GPR39: variants seen among roughly 807,000 people sequenced by gnomAD.
The protein encoded by GPR39 is G protein-coupled receptor 39, also known as zinc sensing receptor.
In GPR39, 23 loss-of-function variants were observed where a neutral mutation model predicts 18.4. The observed-to-expected ratio is 1.25, with a 90% CI of 0.90 to 1.77. The LOEUF (loss-of-function observed/expected upper bound fraction) is 1.77, where lower values mean the gene tolerates loss of function less well. Ranked by LOEUF, GPR39 falls within the 40% of genes most tolerant of loss-of-function variation. The pLI is 0.00. For missense variants in GPR39, 647 were observed against 602.4 expected, an observed-to-expected ratio of 1.07 and a Z score of -0.78; for synonymous variants, 280 against 257.9, an observed-to-expected ratio of 1.09 and a Z score of -0.82.
chr2:132,596,718 C>T (rs1371724658), intron 1 of GPR39, among the ~76,000 whole-genome samples: 1 of 152,164 alleles, frequency 6.6e-6, no homozygotes, highest in Non-Finnish European at 1.5e-5. Flanking sequence ...TGCTTCTTAG[C>T]CTTGGCTTGG....
At chr2:132,435,099 A>C (rs756134975) in intron 1 of GPR39, among the ~76,000 whole-genome samples, 5 of 152,172 alleles carry the variant, frequency 3.3e-5, no homozygotes, top group Non-Finnish European at 7.3e-5. Context: ...AGACACAGAC[A>C]CTGAAAGTAA....
chr2:132,467,628 C>T (rs1455083651), intron 1 of GPR39, among the ~76,000 whole-genome samples: 2 of 152,268 alleles, frequency 1.3e-5, no homozygotes, highest in East Asian at 3.9e-4. Flanking sequence ...AAAAATGCTG[C>T]AGACACAATC....
At chr2:132,491,137 T>C (rs1005937878) in intron 1 of GPR39, among the ~76,000 whole-genome samples, 1 of 152,166 alleles carries the variant, frequency 6.6e-6, no homozygotes, top group Non-Finnish European at 1.5e-5. Context: ...GTAAGCCAGT[T>C]TGAACCAGAA....
chr2:132,447,558 A>G (rs1680558778), intron 1 of GPR39, among the ~76,000 whole-genome samples: 1 of 152,200 alleles, frequency 6.6e-6, no homozygotes, highest in South Asian at 2.1e-4. Context: ...TATAACTATT[A>G]TAACAATTAA....
At chr2:132,607,754 G>T (rs187178777) in intron 1 of GPR39, among the ~76,000 whole-genome samples, 26 of 152,252 alleles carry the variant, frequency 1.7e-4, no homozygotes, top group African/African-American at 5.8e-4. Context: ...CAATAAAATG[G>T]CTGTAAGCTG....
chr2:132,423,948 C>T (rs913992091), intron 1 of GPR39, among the ~76,000 whole-genome samples: 1 of 152,172 alleles, frequency 6.6e-6, no homozygotes, highest in Non-Finnish European at 1.5e-5. Context: ...TTCCCTTGGG[C>T]ATGCATTCGT....
At chr2:132,625,870 G>A (rs1259350984) in intron 1 of GPR39, among the ~76,000 whole-genome samples, 8 of 152,148 alleles carry the variant, frequency 5.3e-5, no homozygotes, top group Admixed American at 3.9e-4. Flanking sequence ...GGGAGGCCAA[G>A]GCGGGTGGAT....
intron 1 of GPR39, among the ~76,000 whole-genome samples, chr2:132,565,396 CTTTT>C (rs67095358): frequency 5.1e-5 from 7 of 138,018 alleles, no homozygotes; most frequent in African/African-American, 1.9e-4. Context: ...GATGAGTTTC[CTTTT>C]TTTTTTTTTT....
chr2:132,454,824 A>T (rs1680690562), intron 1 of GPR39, among the ~76,000 whole-genome samples: 1 of 152,170 alleles, frequency 6.6e-6, no homozygotes, highest in African/African-American at 2.4e-5. Context: ...CATCCCAGGG[A>T]TGAAGCCGAC....
At chr2:132,462,135 C>T (rs1484851454) in intron 1 of GPR39, among the ~76,000 whole-genome samples, 1 of 152,106 alleles carries the variant, frequency 6.6e-6, no homozygotes, top group African/African-American at 2.4e-5. Flanking sequence ...TATATAATAC[C>T]CAACACTGGA....
Position 132,645,553 on chromosome 2 carries a change from G to T in GPR39, c.1309G>T (p.Ala437Ser), listed in dbSNP as rs150135352. Reference protein sequence around the residue: ...SLESLEPNSGAKPANSAAENG... With the variant: ...SLESLEPNSGSKPANSAAENG... ...CGAGTCACTAGAGCCCAACTCAGGC[G>T]CGAAACCAGCCAATTCTGCTGCAGA... Residue 437 changes from alanine to serine, a missense_variant, in exon 2 of 2, where the codon GCG becomes TCG. Physicochemically the swap from Ala to Ser is moderately conservative, Grantham distance 99. This residue lies in a region of GPR39 where 581 missense variants were observed against 506.8 expected (regional missense o/e 1.15). Coordinates refer to ENST00000329321, the MANE Select transcript of GPR39 (RefSeq NM_001508.3). 665 of 1,613,958 alleles carry T rather than the reference G, an allele frequency of 4.1e-4. No homozygotes were observed. The highest frequency in any genetic ancestry group is 5.4e-4 in the Non-Finnish European group (636 of 1,180,010).
rs559055144 is a variant in GPR39 at position 132,417,086 on chromosome 2, T to C, written c.44T>C (p.Ile15Thr). The change falls in exon 1 of 2, where the codon ATT (isoleucine) becomes ACT (threonine). Residue 15 changes from isoleucine to threonine, a missense_variant. Around this residue, in one of 3 missense-constraint regions of GPR39, gnomAD observed 61 missense variants for 79.2 expected, o/e 0.77. Coordinates refer to ENST00000329321, the MANE Select transcript of GPR39 (RefSeq NM_001508.3). ...SLPGSDCSQI[I>T]DHSHVPEFEV... is the part of the protein sequence containing the mutation. ...CCGGGCAGTGACTGCTCCCAAATCA[T>C]TGATCACAGTCATGTCCCCGAGTTT... 5.1e-5 allele frequency: 82 copies of C among 1,614,146 alleles called. No individual in the cohort carries two copies. The highest frequency in any genetic ancestry group is 6.4e-5 in the Non-Finnish European group (75 of 1,180,026).
chr2:132,534,737 G>T (rs1168050108), intron 1 of GPR39, among the ~76,000 whole-genome samples: 1 of 151,864 alleles, frequency 6.6e-6, no homozygotes, highest in Non-Finnish European at 1.5e-5. Context: ...ACTATCGCAA[G>T]GACAAAAAAC....
chr2:132,600,235 G>A (rs72985808), intron 1 of GPR39, among the ~76,000 whole-genome samples: 1,965 of 152,080 alleles, frequency 0.013, 47 homozygotes, highest in African/African-American at 0.042. Context: ...AAAACCTATG[G>A]GATACTGCAA....
rs3066458 is a variant in GPR39 at position 132,590,818 on chromosome 2, CGTGTGTGTGTGT to C, written c.857-54260_857-54249del. 3.5e-3 allele frequency among the ~76,000 whole-genome samples: 497 copies of C among 144,006 alleles called. 6 individuals are homozygous for C. The highest frequency in any genetic ancestry group is 9.2e-3 in the Admixed American group (133 of 14,468). 94.5% of individuals were successfully genotyped at this position (144,006 alleles called of 152,430 possible). A position where few individuals can be genotyped will look rare whatever the true frequency, so the allele number is the denominator to read the frequency against. On this transcript the variant is annotated intron_variant, in intron 1 of 1. Transcript: ENST00000329321. ...GGATTGAAGGATGCAAAGTATTGTT[CGTGTGTGTGTGT>C]GTGTGTGTGTGTGTGTGTGTGTCTT...
At chr2:132,485,234 A>G (rs1337872644) in intron 1 of GPR39, among the ~76,000 whole-genome samples, 4 of 152,250 alleles carry the variant, frequency 2.6e-5, no homozygotes, top group African/African-American at 9.6e-5. Flanking sequence ...CCTTAATTTT[A>G]AAAAGCTTCA....
At chr2:132,505,744 T>C (rs1054177382) in intron 1 of GPR39, among the ~76,000 whole-genome samples, 2 of 152,250 alleles carry the variant, frequency 1.3e-5, no homozygotes, top group Admixed American at 6.5e-5. Flanking sequence ...ATTCTTTTTA[T>C]GGCCATATAG....
chr2:132,594,968 T>G (rs1680910537), intron 1 of GPR39, among the ~76,000 whole-genome samples: 1 of 152,130 alleles, frequency 6.6e-6, no homozygotes, highest in Non-Finnish European at 1.5e-5. Flanking sequence ...GGAGGTGGTC[T>G]TGGGTATTTA....
At chr2:132,514,567 C>T (rs1177659427) in intron 1 of GPR39, among the ~76,000 whole-genome samples, 5 of 152,194 alleles carry the variant, frequency 3.3e-5, no homozygotes, top group Admixed American at 3.3e-4. Flanking sequence ...CTGCCACTTA[C>T]AGTCCCCAGC....
Sources: allele counts gnomAD v4.1 joint callset (sites outside exome capture counted in the v4.1 genomes callset), GRCh38; gene constraint gnomAD v4.1.1; regional missense constraint gnomAD v4.1.1; transcripts MANE v1.5; gene names NCBI Gene and HGNC (gene_info 2026-07-23, HGNC 2026-07-21).